Variants in CAMSAP2 observed in about 807,000 individuals in gnomAD.
CAMSAP2 encodes the protein calmodulin regulated spectrin associated protein family member 2, also known as calmodulin-regulated spectrin-associated protein 2.
Under a neutral mutation model 146.1 loss-of-function variants are expected in CAMSAP2, and 26 were observed. That is an observed-to-expected ratio of 0.18 (90% CI 0.13 to 0.25). CAMSAP2 has a LOEUF of 0.25. Among genes scored for constraint, CAMSAP2 ranks in the 10% least tolerant of loss-of-function variants. The pLI is 1.00. For synonymous variants in CAMSAP2, 499 were observed against 596.6 expected (o/e 0.84, Z 2.38); for missense variants, 1,381 against 1,759.3 (o/e 0.78, Z 3.85).
rs534382764 is a variant in CAMSAP2, at chr1:200,829,507, G to A, written c.646-2693G>A. ...GGTTTTCTGTGACCTCACCAGTAGC[G>A]GACCAAAACCATATTAAATTCTGAT... On this transcript the variant is annotated intron_variant, in intron 4 of 16. Coordinates refer to ENST00000358823, the MANE Select transcript of CAMSAP2 (RefSeq NM_203459.4). Among the ~76,000 whole-genome samples, 6 of 152,156 alleles carry A rather than the reference G, an allele frequency of 3.9e-5. No individual in the cohort carries two copies. In the East Asian group the frequency reaches 5.8e-4, roughly 15 times the overall value.
At chr1:200,750,943 A>G (rs1664488222) in intron 1 of CAMSAP2, among the ~76,000 whole-genome samples, 1 of 117,198 alleles carries the variant, frequency 8.5e-6, no homozygotes, top group Non-Finnish European at 1.7e-5. Context: ...TTGCTTTGTC[A>G]CCAGGCTGGA....
chr1:200,836,905 G>T (rs1490057995), intron 6 of CAMSAP2, among the ~76,000 whole-genome samples: 2 of 152,180 alleles, frequency 1.3e-5, no homozygotes, highest in Admixed American at 6.6e-5. Flanking sequence ...TTTGAAAAGT[G>T]TCTGTTCATG....
intron 1 of CAMSAP2, among the ~76,000 whole-genome samples, chr1:200,760,362 G>A (rs1664767042): frequency 6.6e-6 from 1 of 152,154 alleles, no homozygotes; most frequent in Admixed American, 6.5e-5. Flanking sequence ...AATAAGTTAG[G>A]CAGTCTCTAT....
At chr1:200,747,225 A>G (rs1648426986) in intron 1 of CAMSAP2, among the ~76,000 whole-genome samples, 2 of 152,134 alleles carry the variant, frequency 1.3e-5, no homozygotes, top group South Asian at 4.1e-4. Flanking sequence ...GAGGGAGCGT[A>G]TGGAGAAAGA....
At chr1:200,793,620 T>A (rs184561158) in intron 2 of CAMSAP2, among the ~76,000 whole-genome samples, 11 of 152,332 alleles carry the variant, frequency 7.2e-5, no homozygotes, top group Admixed American at 7.2e-4. Flanking sequence ...ACTTGTATCC[T>A]GTTGCTCTGC....
intron 8 of CAMSAP2, among the ~76,000 whole-genome samples, chr1:200,846,143 T>C (rs1667454539): frequency 1.3e-5 from 2 of 152,226 alleles, no homozygotes; most frequent in South Asian, 4.1e-4. Flanking sequence ...AAGTAATTTC[T>C]GTATGAATTC....
At position 200,857,642 on chromosome 1, in the gene CAMSAP2, A is replaced by G. The variant is rs137970228; in HGVS notation, c.4132-112A>G. On this transcript the variant is annotated intron_variant, in intron 16 of 16. Transcript: ENST00000358823. The surrounding 1 kb of genome is among the most constrained non-coding windows in gnomAD (Gnocchi z 4.7). ...ATAGGCTTTAAGATTTGTCATTGAA[A>G]TAATGTTATAAAATGTGACTAAGAA... The G allele has an allele frequency of 3.5e-3, 3,615 of 1,024,182 alleles. 42 individuals are homozygous for G. The highest frequency in any genetic ancestry group is 0.026 in the African/African-American group (1,621 of 61,470). 63.4% of individuals were successfully genotyped at this position (1,024,182 alleles called of 1,614,324 possible).
At chr1:200,851,792 T>C (rs1355951499) in intron 11 of CAMSAP2, among the ~76,000 whole-genome samples, 3 of 152,174 alleles carry the variant, frequency 2.0e-5, no homozygotes, top group African/African-American at 7.2e-5. Flanking sequence ...TTTATTGAAT[T>C]AAGCATTGGC....
At chr1:200,809,445 CAG>C (rs1385073252) in intron 3 of CAMSAP2, among the ~76,000 whole-genome samples, 3 of 152,126 alleles carry the variant, frequency 2.0e-5, no homozygotes, top group African/African-American at 7.2e-5. Context: ...CTTCTTGTAA[CAG>C]AATACCTGAG....
intron 1 of CAMSAP2, among the ~76,000 whole-genome samples, chr1:200,744,874 C>CA (rs1450960337): frequency 6.6e-6 from 1 of 151,728 alleles, no homozygotes; most frequent in Non-Finnish European, 1.5e-5. Flanking sequence ...TGTAATGAAG[C>CA]AGTGAGAGAG....
chr1:200,783,396 A>G (rs1665494547), intron 2 of CAMSAP2, among the ~76,000 whole-genome samples: 2 of 152,056 alleles, frequency 1.3e-5, no homozygotes, highest in African/African-American at 4.8e-5. Context: ...TTTTCTTATT[A>G]CTGTAGGAGT....
intron 6 of CAMSAP2, among the ~76,000 whole-genome samples, chr1:200,835,459 A>G (rs773787685): frequency 6.6e-6 from 1 of 152,158 alleles, no homozygotes; most frequent in Non-Finnish European, 1.5e-5. Flanking sequence ...GCAGATATTT[A>G]CTGAGTATCT....
chr1:200,783,311 G>C (rs912633038), intron 2 of CAMSAP2, among the ~76,000 whole-genome samples: 2 of 151,964 alleles, frequency 1.3e-5, no homozygotes, highest in African/African-American at 4.8e-5. Context: ...TTTTTTGTAT[G>C]CTTACTGGTC....
chr1:200,746,926 AT>A (rs551517930), intron 1 of CAMSAP2, among the ~76,000 whole-genome samples: 182 of 149,722 alleles, frequency 1.2e-3, no homozygotes, highest in African/African-American at 4.2e-3. Context: ...GCCTAGTCAC[AT>A]TTTTTTTAAG....
intron 2 of CAMSAP2, among the ~76,000 whole-genome samples, chr1:200,804,174 C>T (rs1318088594): frequency 6.6e-6 from 1 of 152,134 alleles, no homozygotes; most frequent in Non-Finnish European, 1.5e-5. Context: ...GATCTGCCCA[C>T]CTCGGCCTCC....
chr1:200,812,432 A>C (rs1666357603), intron 3 of CAMSAP2, among the ~76,000 whole-genome samples: 1 of 152,212 alleles, frequency 6.6e-6, no homozygotes. Flanking sequence ...TTCCATTTTC[A>C]AATTAGGTTT....
intron 2 of CAMSAP2, among the ~76,000 whole-genome samples, chr1:200,797,962 G>A (rs2103038180): frequency 6.6e-6 from 1 of 152,228 alleles, no homozygotes; most frequent in South Asian, 2.1e-4. Context: ...TGTCAGGTTT[G>A]TCAAAGATCA....
chr1:200,774,041 T>G (rs1223829454), intron 2 of CAMSAP2, among the ~76,000 whole-genome samples: 1 of 152,236 alleles, frequency 6.6e-6, no homozygotes, highest in East Asian at 1.9e-4. Flanking sequence ...AGTATAGTGC[T>G]ATAGAACAGT....
intron 2 of CAMSAP2, among the ~76,000 whole-genome samples, chr1:200,797,945 A>T (rs925035362): frequency 2.0e-5 from 3 of 151,928 alleles, no homozygotes; most frequent in Non-Finnish European, 2.9e-5. Flanking sequence ...TCCCCATTGC[A>T]TGTTTTTGTC....
Sources: gnomAD v4.1 joint callset for allele counts (sites outside exome capture counted in the v4.1 genomes callset) on GRCh38, gnomAD v4.1.1 for gene constraint, Gnocchi (gnomAD v3.1) non-coding constraint, MANE v1.5 for transcripts, NCBI Gene and HGNC (gene_info 2026-07-23, HGNC 2026-07-21) for gene names.